The following COL25A1 variants were observed in gnomAD, a reference collection of about 807,000 sequenced individuals.
COL25A1 encodes the protein collagen alpha-1(XXV) chain.
In COL25A1, 103 loss-of-function variants were observed where a neutral mutation model predicts 128.4. The observed-to-expected ratio is 0.80, with a 90% CI of 0.68 to 0.94. COL25A1 has a LOEUF of 0.94. Ranked by LOEUF, COL25A1 falls within the 40% of genes least tolerant of loss-of-function variation. The pLI is 0.00. For synonymous variants in COL25A1, 279 were observed against 277.2 expected (o/e 1.01, Z -0.06); for missense variants, 745 against 840.0 (o/e 0.89, Z 1.40).
intron 5 of COL25A1, among the ~76,000 whole-genome samples, chr4:109,044,176 C>A (rs2125932506): frequency 6.6e-6 from 1 of 151,800 alleles, no homozygotes; most frequent in African/African-American, 2.4e-5. Flanking sequence ...AAGCTGAAAG[C>A]TTCCTAGAGA....
At chr4:108,887,872 G>A (rs1455700013) in intron 18 of COL25A1, among the ~76,000 whole-genome samples, 3 of 152,030 alleles carry the variant, frequency 2.0e-5, no homozygotes, top group African/African-American at 7.2e-5. Context: ...ACACAGACTT[G>A]GAGAGCAGTA....
At chr4:109,163,997 C>T (rs187917792) in intron 3 of COL25A1, among the ~76,000 whole-genome samples, 21 of 152,014 alleles carry the variant, frequency 1.4e-4, no homozygotes, top group Admixed American at 4.6e-4. Flanking sequence ...TATAAATTAA[C>T]GAGTGGTATG....
At chr4:109,116,394 G>C (rs1767562665) in intron 3 of COL25A1, among the ~76,000 whole-genome samples, 1 of 152,012 alleles carries the variant, frequency 6.6e-6, no homozygotes, top group Non-Finnish European at 1.5e-5. Flanking sequence ...CTGAAGATTA[G>C]GAAAATCTTC....
chr4:109,286,516 A>G (rs552721914), intron 3 of COL25A1, among the ~76,000 whole-genome samples: 1 of 152,290 alleles, frequency 6.6e-6, no homozygotes, highest in African/African-American at 2.4e-5. Context: ...AACTAGCTGC[A>G]GAGTATATAT....
chr4:109,301,817 G>T lies in COL25A1; in HGVS notation c.203C>A (p.Ser68Tyr). The T allele has an allele frequency of 6.2e-7, 1 of 1,614,276 alleles. No homozygotes were observed. Among genetic ancestry groups the T allele is most frequent in the South Asian group, 1.1e-5 (1 of 91,090 alleles). ...ATGAATGGAAGGGGCCCCTTTGGCG[G>T]ATTCGAGAGCGGCGATCCTCGCCTG... ...DLQARIAALE[S>Y]AKGAPSIHLL... Residue 68 changes from serine to tyrosine, a missense_variant, in exon 2 of 38, where the codon TCC becomes TAC. Ser to Tyr is a moderately radical substitution (Grantham distance 144). This residue lies in a region of COL25A1 where 319 missense variants were observed against 324.9 expected (regional missense o/e 0.98). Coordinates refer to ENST00000399132, the MANE Select transcript of COL25A1 (RefSeq NM_198721.4).
intron 3 of COL25A1, among the ~76,000 whole-genome samples, chr4:109,080,713 T>A (rs1231011722): frequency 6.6e-6 from 1 of 152,192 alleles, no homozygotes; most frequent in Non-Finnish European, 1.5e-5. Context: ...ATATCAGACT[T>A]AAACGGCTTC....
intron 3 of COL25A1, among the ~76,000 whole-genome samples, chr4:109,086,219 T>G (rs1764358192): frequency 6.6e-6 from 1 of 152,170 alleles, no homozygotes; most frequent in South Asian, 2.1e-4. Flanking sequence ...CATAACAAAT[T>G]TGAACCTTTC....
chr4:108,952,960 G>A (rs1161558659), intron 8 of COL25A1, among the ~76,000 whole-genome samples: 1 of 139,822 alleles, frequency 7.2e-6, no homozygotes, highest in African/African-American at 2.6e-5. Flanking sequence ...TCCTTTGTTT[G>A]ATATTAGATT....
chr4:108,977,447 T>C (rs574651686), intron 6 of COL25A1, among the ~76,000 whole-genome samples: 27 of 152,360 alleles, frequency 1.8e-4, no homozygotes, highest in African/African-American at 5.5e-4. Context: ...AAATTAAGTT[T>C]AAGGACTTTA....
At chr4:108,895,442 T>A (rs558362391) in intron 16 of COL25A1, among the ~76,000 whole-genome samples, 33 of 152,272 alleles carry the variant, frequency 2.2e-4, no homozygotes, top group Admixed American at 2.2e-3. Flanking sequence ...AAGTGAAGTA[T>A]AACATCCTTC....
At chr4:109,129,780 A>G (rs1768993436) in intron 3 of COL25A1, among the ~76,000 whole-genome samples, 1 of 152,148 alleles carries the variant, frequency 6.6e-6, no homozygotes, top group South Asian at 2.1e-4. Flanking sequence ...GTAAACTAAG[A>G]AGTTATAGAT....
intron 3 of COL25A1, among the ~76,000 whole-genome samples, chr4:109,229,570 A>G (rs1578496862): frequency 6.6e-6 from 1 of 152,220 alleles, no homozygotes; most frequent in East Asian, 1.9e-4. Flanking sequence ...AATGCTGGAA[A>G]GCAGTTAAGC....
chr4:109,276,169 G>C (rs185756731), intron 3 of COL25A1, among the ~76,000 whole-genome samples: 31 of 152,262 alleles, frequency 2.0e-4, no homozygotes, highest in African/African-American at 7.5e-4. Flanking sequence ...CCAGCACTTT[G>C]GGAGGCTGAG....
chr4:109,262,144 G>C (rs143400121), intron 3 of COL25A1, among the ~76,000 whole-genome samples: 1 of 152,232 alleles, frequency 6.6e-6, no homozygotes, highest in Non-Finnish European at 1.5e-5. Context: ...CTGTTCATTT[G>C]AGAGCATTTC....
intron 32 of COL25A1, 67 bp from the exon 33 acceptor site, chr4:108,827,255 C>T (rs1560707815): frequency 5.3e-6 from 7 of 1,330,722 alleles, no homozygotes; most frequent in Non-Finnish European, 7.6e-6. Flanking sequence ...TCTCTCATGC[C>T]CTATGTCTAA....
chr4:108,896,571 A>G (rs1742178129), intron 16 of COL25A1, 96 bp downstream of exon 16: 2 of 947,332 alleles, frequency 2.1e-6, no homozygotes, highest in Admixed American at 3.6e-5. Flanking sequence ...ATATTAAGCA[A>G]CTCTCACTCA....
At chr4:109,183,923 CAAA>C (rs34164987) in intron 3 of COL25A1, among the ~76,000 whole-genome samples, 4 of 105,530 alleles carry the variant, frequency 3.8e-5, no homozygotes, top group Admixed American at 1.1e-4. Context: ...ACACCAACTT[CAAA>C]AAAAAAAAAA....
chr4:109,192,114 A>G (rs1775669383), intron 3 of COL25A1, among the ~76,000 whole-genome samples: 1 of 152,214 alleles, frequency 6.6e-6, no homozygotes, highest in Non-Finnish European at 1.5e-5. Context: ...TGCTTGGGAC[A>G]CAGCAGTGAT....
At chr4:108,868,020 G>A (rs1306853775) in intron 20 of COL25A1, among the ~76,000 whole-genome samples, 1 of 152,080 alleles carries the variant, frequency 6.6e-6, no homozygotes, top group African/African-American at 2.4e-5. Context: ...AGATCCTTTT[G>A]GGATGAGGCA....
Sources: gnomAD v4.1 joint callset for allele counts (sites outside exome capture counted in the v4.1 genomes callset) on GRCh38, gnomAD v4.1.1 for gene constraint, gnomAD v4.1.1 regional missense constraint, MANE v1.5 for transcripts, NCBI Gene and HGNC (gene_info 2026-07-23, HGNC 2026-07-21) for gene names.